Variants in PRPH2 observed in about 807,000 individuals in gnomAD.
PRPH2 encodes the protein peripherin-2.
A neutral mutation model predicts 31.3 loss-of-function variants in PRPH2; 17 were observed. The ratio of observed to expected loss-of-function variants is 0.54; its 90% CI spans 0.37 to 0.81. The LOEUF (loss-of-function observed/expected upper bound fraction) is 0.81, where lower values mean the gene tolerates loss of function less well. Ranked by LOEUF, PRPH2 falls within the 40% of genes least tolerant of loss-of-function variation. The pLI, the probability that PRPH2 is intolerant of heterozygous loss-of-function variation, is 0.00. For synonymous variants in PRPH2, 165 were observed against 184.4 expected (o/e 0.89, Z 0.85); for missense variants, 430 against 439.7 (o/e 0.98, Z 0.20).
chr6:42,704,620 GAAAC>G lies in PRPH2; in HGVS notation c.582-13_582-10del. The G allele has an allele frequency of 6.2e-7, 1 of 1,614,206 alleles. No individual in the cohort carries two copies. Among genetic ancestry groups the G allele is most frequent in the Non-Finnish European group, 8.5e-7 (1 of 1,180,038 alleles). Reference sequence around the variant, plus strand: ...CGTTGCTCTTGATTCGACTTAAAGGGAAACAGACAGCTGGAGATGGGCTTCCCGG... The same window carrying G: ...CGTTGCTCTTGATTCGACTTAAAGGGAGACAGCTGGAGATGGGCTTCCCGG... On this transcript the variant is annotated splice_polypyrimidine_tract_variant and intron_variant, in intron 1 of 2. Coordinates refer to ENST00000230381, the MANE Select transcript of PRPH2 (RefSeq NM_000322.5).
chr6:42,722,187 C>A lies in PRPH2; in HGVS notation c.148G>T (p.Asp50Tyr). ...FLKIELRKRS[D>Y]VMNNSESHFV... Reference sequence around the variant, plus strand: ...TGGCTCTCAGAATTATTCATCACATCGCTCCTCTTTCGGAGTTCAATCTTC... The same window carrying A: ...TGGCTCTCAGAATTATTCATCACATAGCTCCTCTTTCGGAGTTCAATCTTC... Residue 50 changes from aspartate (D) to tyrosine (Y), a missense_variant, in exon 1 of 3, where the codon GAT (aspartate) becomes TAT (tyrosine). Transcript: ENST00000230381. The surrounding 1 kb of genome is among the most constrained non-coding windows in gnomAD (Gnocchi z 4.4). 3.1e-6 allele frequency: 5 copies of A among 1,614,214 alleles called. No homozygotes were observed. Among genetic ancestry groups the A allele is most frequent in the Non-Finnish European group, 4.2e-6 (5 of 1,180,026 alleles).
intron 1 of PRPH2, among the ~76,000 whole-genome samples, chr6:42,710,473 C>T (rs907030749): frequency 6.6e-6 from 1 of 152,178 alleles, no homozygotes; most frequent in Non-Finnish European, 1.5e-5. Flanking sequence ...CTCCAAACAT[C>T]ATCTTGTTTA....
Position 42,722,487 on chromosome 6 carries a change from T to C in PRPH2, c.-153A>G, listed in dbSNP as rs1236774751. The C allele has an allele frequency of 2.8e-5, 42 of 1,507,434 alleles. No homozygotes were observed. The highest frequency in any genetic ancestry group is 3.7e-5 in the Non-Finnish European group (42 of 1,133,140). 93.4% of individuals were successfully genotyped at this position (1,507,434 alleles called of 1,614,324 possible). On this transcript the variant is annotated 5_prime_UTR_variant, in exon 1 of 3. Coordinates refer to ENST00000230381, the MANE Select transcript of PRPH2 (RefSeq NM_000322.5). The surrounding 1 kb of genome is among the most constrained non-coding windows in gnomAD (Gnocchi z 4.4). Reference sequence around the variant, plus strand: ...GGGGGCTACCCATGTCGAGTCCCACTAGCCTGGGATCCCCGTGAATGCAGT... The same window carrying C: ...GGGGGCTACCCATGTCGAGTCCCACCAGCCTGGGATCCCCGTGAATGCAGT...
Position 42,704,165 on chromosome 6 carries a change from GAATA to G in PRPH2, c.828+196_828+199del, listed in dbSNP as rs59389246. Among the ~76,000 whole-genome samples, 38,948 of 150,078 alleles carry G rather than the reference GAATA, an allele frequency of 0.26. 5,407 individuals carry two copies. Among genetic ancestry groups the G allele is most frequent in the East Asian group, 0.47 (2,394 of 5,054 alleles). On this transcript the variant is annotated intron_variant, in intron 2 of 2. Coordinates refer to ENST00000230381, the MANE Select transcript of PRPH2 (RefSeq NM_000322.5). ...GAAAGAAACCAAAAAAGAAATAAAT[GAATA>G]AATAAATAAATAAATAAATACAAAA...
intron 1 of PRPH2, among the ~76,000 whole-genome samples, chr6:42,708,475 G>A (rs1184221300): frequency 6.6e-6 from 1 of 152,212 alleles, no homozygotes; most frequent in African/African-American, 2.4e-5. Flanking sequence ...TGTGAGGGGG[G>A]CCTTCAGCTC....
intron 2 of PRPH2, among the ~76,000 whole-genome samples, chr6:42,699,344 G>A (rs1311881478): frequency 1.3e-5 from 2 of 151,974 alleles, no homozygotes; most frequent in African/African-American, 2.4e-5. Context: ...TTACAGGTGC[G>A]AGCCACCATG....
At chr6:42,721,684 G>T (rs1241857190) in intron 1 of PRPH2, 70 bp downstream of exon 1, 13 of 1,566,482 alleles carry the variant, frequency 8.3e-6, no homozygotes, top group Non-Finnish European at 1.1e-5. Flanking sequence ...GAGAGGGGCT[G>T]GTCAGAGGCC....
chr6:42,710,092 C>T (rs1045660411), intron 1 of PRPH2, among the ~76,000 whole-genome samples: 6 of 152,202 alleles, frequency 3.9e-5, no homozygotes, highest in Non-Finnish European at 5.9e-5. Context: ...GACAAGTCAC[C>T]CTAATGGTCT....
chr6:42,708,117 T>A (rs1312377230), intron 1 of PRPH2, among the ~76,000 whole-genome samples: 1 of 152,210 alleles, frequency 6.6e-6, no homozygotes, highest in Non-Finnish European at 1.5e-5. Flanking sequence ...GGTGGTACTC[T>A]GAGCACCTGG....
chr6:42,705,335 C>T (rs1800133477), intron 1 of PRPH2, among the ~76,000 whole-genome samples: 1 of 151,848 alleles, frequency 6.6e-6, no homozygotes, highest in Admixed American at 6.6e-5. Context: ...AAAAGTCTCC[C>T]CTTCCCCTCA....
At chr6:42,701,671 C>A (rs1800047268) in intron 2 of PRPH2, among the ~76,000 whole-genome samples, 1 of 119,604 alleles carries the variant, frequency 8.4e-6, no homozygotes, top group South Asian at 2.6e-4. Flanking sequence ...CATGCGCCAC[C>A]ACGTCCAGCA....
Position 42,722,507 on chromosome 6 carries a change from T to A in PRPH2, c.-173A>T. On this transcript the variant is annotated 5_prime_UTR_variant, in exon 1 of 3. Coordinates refer to ENST00000230381, the MANE Select transcript of PRPH2 (RefSeq NM_000322.5). This position sits in a 1 kb window ranked among gnomAD's most constrained non-coding sequence, Gnocchi z 4.4. ...CCCACTAGCCTGGGATCCCCGTGAA[T>A]GCAGTAGTGGTGGCAGGGGTCTCGG... 6.7e-7 allele frequency: 1 copy of A among 1,490,004 alleles called. No homozygotes were observed. Among genetic ancestry groups the A allele is most frequent in the Non-Finnish European group, 8.9e-7 (1 of 1,124,650 alleles). 92.3% of individuals were successfully genotyped at this position (1,490,004 alleles called of 1,614,324 possible).
chr6:42,715,953 T>G (rs2152008862), intron 1 of PRPH2, among the ~76,000 whole-genome samples: 1 of 152,284 alleles, frequency 6.6e-6, no homozygotes, highest in East Asian at 1.9e-4. Context: ...GGAACTGGAC[T>G]GAAGATGCCA....
In PRPH2 at chr6:42,708,970, C is replaced by T. The variant is rs142691273; in HGVS notation, c.582-4359G>A. ...CATTGGATAAGACCTGGAAAACCAT[C>T]GGATTGTCCTACAGAGGAGCAAGTG... is the stretch of plus-strand genomic sequence containing the variant. On this transcript the variant is annotated intron_variant, in intron 1 of 2. Transcript: ENST00000230381. 7.2e-4 allele frequency among the ~76,000 whole-genome samples: 110 copies of T among 152,280 alleles called. 1 individual carries two copies. Among genetic ancestry groups the T allele is most frequent in the Middle Eastern group, 6.8e-3 (2 of 294 alleles).
intron 1 of PRPH2, among the ~76,000 whole-genome samples, chr6:42,712,314 G>A (rs1425764916): frequency 1.3e-5 from 2 of 152,170 alleles, no homozygotes; most frequent in East Asian, 3.8e-4. Flanking sequence ...AGCATTCCGA[G>A]ACTATCAGGG....
chr6:42,720,578 A>G (rs1761884676), intron 1 of PRPH2, among the ~76,000 whole-genome samples: 1 of 152,208 alleles, frequency 6.6e-6, no homozygotes, highest in Admixed American at 6.5e-5. Flanking sequence ...CGTCCCTTCC[A>G]TCTGCAGGGC....
rs972319434 is a variant in PRPH2 at position 42,697,156 on chromosome 6, C to G, written c.*1139G>C. 2 of 152,164 alleles carry G rather than the reference C, an allele frequency of 1.3e-5. No individual in the cohort carries two copies. Among genetic ancestry groups the G allele is most frequent in the South Asian group, 4.1e-4 (2 of 4,824 alleles). The allele number at this position is 152,164 out of a possible 1,614,324, so 9.4% of individuals were successfully genotyped here. On this transcript the variant is annotated 3_prime_UTR_variant, in exon 3 of 3. Coordinates refer to ENST00000230381, the MANE Select transcript of PRPH2 (RefSeq NM_000322.5). Reference sequence around the variant, plus strand: ...CTTGGGAAGTCAGCAAAATCATTCTCTCCTTCCCCTGAAAGCTTCTCTTTC... The same window carrying G: ...CTTGGGAAGTCAGCAAAATCATTCTGTCCTTCCCCTGAAAGCTTCTCTTTC...
intron 2 of PRPH2, among the ~76,000 whole-genome samples, chr6:42,701,958 C>T (rs563718141): frequency 1.4e-4 from 22 of 151,922 alleles, no homozygotes; most frequent in Non-Finnish European, 2.6e-4. Flanking sequence ...AAGAAGGCTT[C>T]GGCTGGGCGC....
intron 1 of PRPH2, among the ~76,000 whole-genome samples, chr6:42,719,190 A>C (rs1165474386): frequency 6.8e-6 from 1 of 146,636 alleles, no homozygotes; most frequent in African/African-American, 2.5e-5. Flanking sequence ...TTTCTTTGAG[A>C]TCGAGTCTCA....
Sources: allele counts gnomAD v4.1 joint callset (sites outside exome capture counted in the v4.1 genomes callset), GRCh38; gene constraint gnomAD v4.1.1; non-coding constraint Gnocchi (gnomAD v3.1); transcripts MANE v1.5; gene names NCBI Gene and HGNC (gene_info 2026-07-23, HGNC 2026-07-21).